ATAD2B: variants seen among roughly 807,000 people sequenced by gnomAD.
The protein encoded by ATAD2B is ATPase family AAA domain-containing protein 2B.
A neutral mutation model predicts 167.6 loss-of-function variants in ATAD2B; 40 were observed. The ratio of observed to expected loss-of-function variants is 0.24; its 90% confidence interval spans 0.19 to 0.31. The LOEUF is 0.31. Among genes scored for constraint, ATAD2B ranks in the 10% least tolerant of loss-of-function variants. The pLI is 1.00. For synonymous variants in ATAD2B, 579 were observed against 596.5 expected (o/e 0.97, Z 0.43); for missense variants, 1,242 against 1,757.2 (o/e 0.71, Z 5.24).
the ATAD2B span, among the ~76,000 whole-genome samples, chr2:23,683,215 G>A: frequency 4.9e-4 from 74 of 152,240 alleles, no homozygotes; most frequent in African/African-American, 9.6e-5. Context: ...GAGCAGGGGC[G>A]ATGGCCGGTG....
At chr2:23,879,729 G>C (rs1410830647) in intron 7 of ATAD2B, among the ~76,000 whole-genome samples, 1 of 151,982 alleles carries the variant, frequency 6.6e-6, no homozygotes, top group Admixed American at 6.6e-5. Context: ...TTGTGACCTC[G>C]GGTAAGTCAC....
chr2:23,871,979 G>A (rs1326837904), intron 8 of ATAD2B, among the ~76,000 whole-genome samples: 3 of 152,042 alleles, frequency 2.0e-5, no homozygotes, highest in Non-Finnish European at 4.4e-5. Flanking sequence ...CTGGGTTCAC[G>A]CGATTCTCCT....
rs1041922596 is a variant in ATAD2B, at chr2:23,758,110, CAAGG to C, written c.3395-13_3395-10del. ...TTTTCTCCGAACCCGAACTGTTTTA[CAAGG>C]AAGGAAAAAAGATATGTAGAACTTG... On this transcript the variant is annotated splice_polypyrimidine_tract_variant and intron_variant, in intron 24 of 27. Transcript: ENST00000238789. The C allele has an allele frequency of 1.3e-6, 2 of 1,534,540 alleles. No individual in the cohort carries two copies. Among genetic ancestry groups the C allele is most frequent in the Non-Finnish European group, 1.7e-6 (2 of 1,152,310 alleles).
the ATAD2B span, chr2:23,703,422 C>A: frequency 7.1e-7 from 1 of 1,403,528 alleles, no homozygotes. Flanking sequence ...AGGGTCGCAT[C>A]CCTGCCTTGC....
At chr2:23,837,746 T>C (rs537335983) in intron 13 of ATAD2B, among the ~76,000 whole-genome samples, 210 of 152,238 alleles carry the variant, frequency 1.4e-3, no homozygotes, top group Non-Finnish European at 2.5e-3. Flanking sequence ...GGTTTTTAAA[T>C]GTCTGGAAAT....
chr2:23,807,612 C>G (rs1684632536), intron 18 of ATAD2B, among the ~76,000 whole-genome samples: 2 of 151,748 alleles, frequency 1.3e-5, no homozygotes, highest in Non-Finnish European at 2.9e-5. Context: ...GTCAGGAGAT[C>G]AAGGCCATCC....
At chr2:23,826,758 G>C (rs1288927893) in intron 15 of ATAD2B, among the ~76,000 whole-genome samples, 1 of 152,096 alleles carries the variant, frequency 6.6e-6, no homozygotes, top group African/African-American at 2.4e-5. Context: ...GATTAGAGTT[G>C]AGTGTTTCAT....
chr2:23,819,943 C>A, intron 16 of ATAD2B, 61 bp from the exon 17 acceptor site: 1 of 1,239,416 alleles, frequency 8.1e-7, no homozygotes, highest in Non-Finnish European at 1.1e-6. Flanking sequence ...TCGTGCCCTA[C>A]CAAAGCTAAG....
At chr2:23,733,084 C>A in the ATAD2B span, among the ~76,000 whole-genome samples, 1 of 152,200 alleles carries the variant, frequency 6.6e-6, no homozygotes, top group Non-Finnish European at 1.5e-5. Flanking sequence ...TAGTCGCTAT[C>A]ATTATTCTCA....
At chr2:23,892,473 C>CTTT (rs549985460) in intron 2 of ATAD2B, among the ~76,000 whole-genome samples, 9 of 132,244 alleles carry the variant, frequency 6.8e-5, no homozygotes, top group African/African-American at 2.5e-4. Flanking sequence ...TTTTTCTTTT[C>CTTT]TTTTTTTTTT....
chr2:23,717,452 T>C, the ATAD2B span, among the ~76,000 whole-genome samples: 2 of 151,910 alleles, frequency 1.3e-5, no homozygotes, highest in African/African-American at 2.4e-5. Context: ...AGAATCTGAA[T>C]TGAACAGCAC....
chr2:23,795,486 C>T (rs1043763130), intron 19 of ATAD2B, among the ~76,000 whole-genome samples: 11 of 152,190 alleles, frequency 7.2e-5, no homozygotes, highest in African/African-American at 2.7e-4. Flanking sequence ...TGCTAACCTA[C>T]AGCTACTTGG....
At chr2:23,893,596 C>A (rs1573305604) in intron 2 of ATAD2B, among the ~76,000 whole-genome samples, 1 of 137,996 alleles carries the variant, frequency 7.2e-6, no homozygotes, top group African/African-American at 2.7e-5. Context: ...TCTGAAACAT[C>A]AAAAGATTTT....
intron 1 of ATAD2B, among the ~76,000 whole-genome samples, chr2:23,907,517 C>A (rs1045358564): frequency 1.3e-5 from 2 of 152,214 alleles, no homozygotes; most frequent in African/African-American, 2.4e-5. Flanking sequence ...TAGGAAGAAT[C>A]AATATCATGA....
Position 23,876,023 on chromosome 2 carries a change from C to A in ATAD2B, c.902-119G>T, listed in dbSNP as rs535849150. The A allele has an allele frequency of 1.4e-5, 10 of 737,054 alleles. No individual in the cohort carries two copies. In the African/African-American group the frequency reaches 1.8e-4, roughly 13 times the overall value. 45.7% of individuals were successfully genotyped at this position (737,054 alleles called of 1,614,324 possible). A position where few individuals can be genotyped will look rare whatever the true frequency, so the allele number is the denominator to read the frequency against. ...TTGTTGTTGTTTTTTGAGACAGAGT[C>A]TTGCTCTAACGCCAGGCTGGAATGC... On this transcript the variant is annotated intron_variant, in intron 7 of 27. Transcript: ENST00000238789.
intron 22 of ATAD2B, among the ~76,000 whole-genome samples, chr2:23,780,354 TAA>T (rs113454961): frequency 0.12 from 18,136 of 151,210 alleles, 1,162 homozygotes; most frequent in Middle Eastern, 0.22. Flanking sequence ...GCAAAAACTA[TAA>T]GAGGCAAATA....
chr2:23,759,691 C>G (rs1265714521), intron 24 of ATAD2B, among the ~76,000 whole-genome samples: 1 of 152,110 alleles, frequency 6.6e-6, no homozygotes. Context: ...AGCACTAACT[C>G]TTCATTCTTT....
At chr2:23,891,474 C>T (rs1482812999) in intron 2 of ATAD2B, among the ~76,000 whole-genome samples, 1 of 151,704 alleles carries the variant, frequency 6.6e-6, no homozygotes, top group South Asian at 2.1e-4. Flanking sequence ...TTCCCTGTAT[C>T]GTTTCCTGAA....
chr2:23,910,799 C>T (rs763726735), intron 1 of ATAD2B, among the ~76,000 whole-genome samples: 25 of 151,786 alleles, frequency 1.6e-4, no homozygotes, highest in Non-Finnish European at 3.2e-4. Flanking sequence ...ACCTAGGAGG[C>T]GGAGGTTGCA....
Sources: allele counts gnomAD v4.1 joint callset (sites outside exome capture counted in the v4.1 genomes callset), GRCh38; gene constraint gnomAD v4.1.1; transcripts MANE v1.5; gene names NCBI Gene and HGNC (gene_info 2026-07-23, HGNC 2026-07-21).